The following PTK2B variants were observed in gnomAD, a reference collection of about 807,000 sequenced individuals.
PTK2B encodes protein-tyrosine kinase 2-beta.
Under a neutral mutation model 142.9 loss-of-function variants are expected in PTK2B, and 71 were observed. That is an observed-to-expected ratio of 0.50 (90% CI 0.41 to 0.61). The LOEUF is 0.61. PTK2B is among the 20% of genes least tolerant of loss of function. The probability of loss-of-function intolerance (pLI) is 0.00; values close to 1 mark genes in which losing one functional copy is unlikely to be tolerated. For synonymous variants in PTK2B, 519 were observed against 503.4 expected (o/e 1.03, Z -0.42); for missense variants, 1,105 against 1,320.4 (o/e 0.84, Z 2.53).
chr8:27,322,407 G>A (rs1216065210), upstream of PTK2B: 1 of 152,144 alleles, frequency 6.6e-6, no homozygotes, highest in Non-Finnish European at 1.5e-5. Context: ...ACCAGGAATA[G>A]GACTAGCAAC....
At chr8:27,418,589 T>C (rs1809547261) in intron 2 of PTK2B, among the ~76,000 whole-genome samples, 1 of 152,216 alleles carries the variant, frequency 6.6e-6, no homozygotes, top group Admixed American at 6.5e-5. Flanking sequence ...GTAGGCTTGA[T>C]GGCACGCACA....
intron 1 of PTK2B, among the ~76,000 whole-genome samples, chr8:27,378,522 T>C (rs1806804817): frequency 6.6e-6 from 1 of 152,044 alleles, no homozygotes; most frequent in Non-Finnish European, 1.5e-5. Context: ...ATAGATAAGG[T>C]GATGTCTCCA....
intron 2 of PTK2B, among the ~76,000 whole-genome samples, chr8:27,402,371 T>A (rs1439973129): frequency 2.0e-5 from 3 of 151,940 alleles, no homozygotes; most frequent in Non-Finnish European, 4.4e-5. Context: ...ACCTGTGGAG[T>A]ACAATTGAGA....
At chr8:27,419,679 A>G (rs965519912) in intron 2 of PTK2B, among the ~76,000 whole-genome samples, 1 of 152,194 alleles carries the variant, frequency 6.6e-6, no homozygotes, top group Non-Finnish European at 1.5e-5. Flanking sequence ...CTGCTCTCTC[A>G]GTTCCTCTGT....
chr8:27,389,070 G>A (rs1245780712), intron 1 of PTK2B, among the ~76,000 whole-genome samples: 2 of 152,088 alleles, frequency 1.3e-5, no homozygotes, highest in Non-Finnish European at 2.9e-5. Context: ...TGATCATCTG[G>A]TCCCATGCTT....
At chr8:27,426,695 G>C (rs972899272) in intron 5 of PTK2B, among the ~76,000 whole-genome samples, 2 of 152,236 alleles carry the variant, frequency 1.3e-5, no homozygotes, top group Non-Finnish European at 2.9e-5. Context: ...AATGATCTTC[G>C]ATGCCTGAGA....
intron 2 of PTK2B, among the ~76,000 whole-genome samples, chr8:27,413,330 A>G (rs75805816): frequency 0.017 from 2,518 of 152,318 alleles, 37 homozygotes; most frequent in Middle Eastern, 0.031. Flanking sequence ...CAGCGTTGCT[A>G]TAACACTACC....
chr8:27,363,592 G>A lies in PTK2B; in HGVS notation c.-37-33956G>A, dbSNP rs75494410. Among the ~76,000 whole-genome samples the A allele has an allele frequency of 4.5e-3, 692 of 152,220 alleles. 8 individuals are homozygous for A. The highest frequency in any genetic ancestry group is 0.037 in the East Asian group (191 of 5,166). On this transcript the variant is annotated intron_variant, in intron 1 of 30. Coordinates refer to ENST00000346049, the MANE Select transcript of PTK2B (RefSeq NM_173176.3). The surrounding 1 kb of genome is among the most constrained non-coding windows in gnomAD (Gnocchi z 4.3). ...GGACTCTGACTGCTCTTGCTGCTCT[G>A]AGCCTCTTGATTCTGATTTGGGTCT...
chr8:27,391,319 A>T (rs1215368769), intron 1 of PTK2B, among the ~76,000 whole-genome samples: 1 of 151,594 alleles, frequency 6.6e-6, no homozygotes, highest in East Asian at 1.9e-4. Context: ...CTGATCTCAA[A>T]CTCCTGATTT....
intron 1 of PTK2B, among the ~76,000 whole-genome samples, chr8:27,356,800 T>C (rs1805417407): frequency 6.6e-6 from 1 of 152,148 alleles, no homozygotes; most frequent in South Asian, 2.1e-4. Flanking sequence ...ATGAAGAAAA[T>C]GTTCATCTCA....
intron 1 of PTK2B, among the ~76,000 whole-genome samples, chr8:27,337,648 A>G (rs935331729): frequency 1.3e-5 from 2 of 152,144 alleles, no homozygotes; most frequent in East Asian, 1.9e-4. Flanking sequence ...ACTTAGCACA[A>G]TGTTTTGAAA....
At chr8:27,428,022 C>T (rs1810191401) in intron 5 of PTK2B, among the ~76,000 whole-genome samples, 1 of 151,962 alleles carries the variant, frequency 6.6e-6, no homozygotes, top group Non-Finnish European at 1.5e-5. Flanking sequence ...TACAACTCAC[C>T]ATAATGTAGA....
chr8:27,450,853 G>A lies in PTK2B; in HGVS notation c.2445G>A (p.Met815Ile), dbSNP rs1158000223. Reference sequence around the variant, plus strand: ...TCCTGGACAAACAGCAGAAGCAGATGGTGGAGGACTACCAGTGGCTCAGGC... The same window carrying A: ...TCCTGGACAAACAGCAGAAGCAGATAGTGGAGGACTACCAGTGGCTCAGGC... ...RQILDKQQKQMVEDYQWLRQE... is the reference protein window; with the variant it reads ...RQILDKQQKQIVEDYQWLRQE... The change falls in exon 25 of 31, where the codon ATG (methionine) becomes ATA (isoleucine). Residue 815 changes from methionine (M) to isoleucine (I), a missense_variant. Coordinates refer to ENST00000346049, the MANE Select transcript of PTK2B (RefSeq NM_173176.3). 1.2e-6 allele frequency: 2 copies of A among 1,614,068 alleles called. No homozygotes were observed. The highest frequency in any genetic ancestry group is 1.7e-6 in the Non-Finnish European group (2 of 1,180,036).
At chr8:27,454,722 TC>T in intron 30 of PTK2B, 111 bp downstream of exon 30, 1 of 1,151,184 alleles carries the variant, frequency 8.7e-7, no homozygotes, top group Non-Finnish European at 1.3e-6. Flanking sequence ...GTCCACTGAG[TC>T]CCCACCAGGT....
intron 21 of PTK2B, among the ~76,000 whole-genome samples, chr8:27,442,446 G>C (rs1267878170): frequency 6.6e-6 from 1 of 151,950 alleles, no homozygotes; most frequent in East Asian, 1.9e-4. Flanking sequence ...CCGGGGATGC[G>C]TTGGGGGATG....
At chr8:27,333,519 G>A (rs567876098) in intron 1 of PTK2B, among the ~76,000 whole-genome samples, 35 of 152,254 alleles carry the variant, frequency 2.3e-4, no homozygotes, top group South Asian at 4.1e-4. Context: ...GATACTTTGC[G>A]GTCCTGTGGA....
chr8:27,345,764 C>T (rs191645798), intron 1 of PTK2B, among the ~76,000 whole-genome samples: 98 of 152,178 alleles, frequency 6.4e-4, no homozygotes, highest in Non-Finnish European at 7.6e-4. Flanking sequence ...GGAAAACATA[C>T]GAAACCTATA....
chr8:27,324,461 A>G (rs550999474), upstream of PTK2B, among the ~76,000 whole-genome samples: 1 of 152,250 alleles, frequency 6.6e-6, no homozygotes, highest in African/African-American at 2.4e-5. Context: ...GCCAATAGCT[A>G]TGGGTAGTCC....
At chr8:27,372,423 G>A (rs946564695) in intron 1 of PTK2B, among the ~76,000 whole-genome samples, 11 of 152,310 alleles carry the variant, frequency 7.2e-5, no homozygotes, top group Middle Eastern at 3.4e-3. Context: ...GTCCCAGTTG[G>A]AGGGTCCTCA....
Sources: allele counts gnomAD v4.1 joint callset (sites outside exome capture counted in the v4.1 genomes callset), GRCh38; gene constraint gnomAD v4.1.1; non-coding constraint Gnocchi (gnomAD v3.1); transcripts MANE v1.5; gene names NCBI Gene and HGNC (gene_info 2026-07-23, HGNC 2026-07-21).